Variants in RALGAPA2 observed in about 807,000 individuals in gnomAD.
The protein encoded by RALGAPA2 is Ral GTPase activating protein catalytic subunit alpha 2.
In RALGAPA2, 139 loss-of-function variants were observed where a neutral mutation model predicts 230.4. The observed-to-expected ratio is 0.60, with a 90% CI of 0.53 to 0.69. RALGAPA2 has a LOEUF of 0.69. Among genes scored for constraint, RALGAPA2 ranks in the 30% least tolerant of loss-of-function variants. The probability of loss-of-function intolerance (pLI) is 0.00; values close to 1 mark genes in which losing one functional copy is unlikely to be tolerated. For missense variants in RALGAPA2, 2,163 were observed against 2,276.0 expected (o/e 0.95, Z 1.01); for synonymous variants, 847 against 837.8 (o/e 1.01, Z -0.19).
intron 36 of RALGAPA2, among the ~76,000 whole-genome samples, chr20:20,476,248 GA>G (rs1338872041): frequency 1.3e-5 from 2 of 152,156 alleles, no homozygotes; most frequent in African/African-American, 4.8e-5. Context: ...ATAAGGAAAT[GA>G]AAAGACATAA....
At position 20,591,134 on chromosome 20, in the gene RALGAPA2, C is replaced by CCT. The variant is rs774288389; in HGVS notation, c.2341+42_2341+43insAG. ...CTATATGCAGCTTTTATTCCTCTGC[C>CCT]AGAATCTATAGTTCTGTATTAAACA... On this transcript the variant is annotated intron_variant, in intron 17 of 39. Coordinates refer to ENST00000202677, the MANE Select transcript of RALGAPA2 (RefSeq NM_020343.4). 37 of 1,591,146 alleles carry CCT rather than the reference C, an allele frequency of 2.3e-5. No homozygotes were observed. In the Admixed American group the frequency reaches 4.3e-4, roughly 18 times the overall value.
chr20:20,406,362 A>C (rs1459216623), intron 38 of RALGAPA2, among the ~76,000 whole-genome samples: 1 of 152,212 alleles, frequency 6.6e-6, no homozygotes, highest in African/African-American at 2.4e-5. Context: ...ATGTTGTACC[A>C]TCTTTCCAAG....
chr20:20,458,776 A>ATATATATATAGACCTATATATATAGACC (rs2061211299), intron 37 of RALGAPA2, among the ~76,000 whole-genome samples: 6 of 8,028 alleles, frequency 7.5e-4, no homozygotes, highest in East Asian at 2.4e-3. Context: ...ATATAGACCT[A>ATATATATATAGACCTATATATATAGACC]TATATATATA....
chr20:20,705,129 G>A (rs970894832), intron 1 of RALGAPA2, among the ~76,000 whole-genome samples: 3 of 152,200 alleles, frequency 2.0e-5, no homozygotes. Flanking sequence ...TCCTGGGCTT[G>A]TGCCTTATTA....
At chr20:20,553,252 G>C (rs1345905770) in intron 23 of RALGAPA2, among the ~76,000 whole-genome samples, 2 of 152,182 alleles carry the variant, frequency 1.3e-5, no homozygotes, top group Non-Finnish European at 2.9e-5. Flanking sequence ...TGCACCTGGA[G>C]AATCAAAATT....
intron 10 of RALGAPA2, 94 bp downstream of exon 10, chr20:20,629,269 G>C (rs2066590576): frequency 9.6e-7 from 1 of 1,036,594 alleles, no homozygotes; most frequent in Admixed American, 2.0e-5. Flanking sequence ...TTGTTGGCGT[G>C]TTACAAGTAA....
intron 23 of RALGAPA2, among the ~76,000 whole-genome samples, chr20:20,556,663 C>T (rs1266840515): frequency 3.3e-5 from 5 of 152,112 alleles, no homozygotes; most frequent in Non-Finnish European, 7.3e-5. Context: ...AAGTTGTTGC[C>T]AGTAAGTGAT....
At chr20:20,526,218 C>G in intron 28 of RALGAPA2, 34 bp downstream of exon 28, 1 of 1,390,476 alleles carries the variant, frequency 7.2e-7, no homozygotes, top group Non-Finnish European at 9.9e-7. Context: ...AAAGGAAATG[C>G]TTATGTTTTA....
At chr20:20,676,703 T>C (rs899784862) in intron 2 of RALGAPA2, among the ~76,000 whole-genome samples, 3 of 152,222 alleles carry the variant, frequency 2.0e-5, no homozygotes, top group African/African-American at 7.2e-5. Flanking sequence ...AACTGCACAC[T>C]GTCCTATTGA....
intron 14 of RALGAPA2, 94 bp from the exon 15 acceptor site, chr20:20,605,506 A>T (rs772782899): frequency 8.7e-6 from 8 of 921,032 alleles, no homozygotes; most frequent in Non-Finnish European, 1.1e-5. Context: ...TTAATAACAC[A>T]AATTTTAAAA....
At position 20,474,129 on chromosome 20, in the gene RALGAPA2, G is replaced by T. The variant is rs145985338; in HGVS notation, c.5368-1173C>A. ...TCTCCAGTTGGCTCTAATGGCCAGG[G>T]TGGGCTTTAAGAAGAGGATGACATT... On this transcript the variant is annotated intron_variant, in intron 36 of 39. Transcript: ENST00000202677. Among the ~76,000 whole-genome samples, 1,061 of 152,290 alleles carry T rather than the reference G, an allele frequency of 7.0e-3. 13 individuals are homozygous for T. The highest frequency in any genetic ancestry group is 0.025 in the African/African-American group (1,036 of 41,556).
chr20:20,543,555 A>G (rs954809086), intron 24 of RALGAPA2, among the ~76,000 whole-genome samples: 1 of 152,218 alleles, frequency 6.6e-6, no homozygotes, highest in Non-Finnish European at 1.5e-5. Context: ...CAGCCATAAA[A>G]AAGGATGAGT....
chr20:20,621,879 T>C (rs1374812166), intron 10 of RALGAPA2, among the ~76,000 whole-genome samples: 1 of 152,222 alleles, frequency 6.6e-6, no homozygotes. Context: ...CCAGAGGTAT[T>C]CTTCCAAGGT....
chr20:20,706,434 T>C (rs1266034423), intron 1 of RALGAPA2, among the ~76,000 whole-genome samples: 2 of 152,210 alleles, frequency 1.3e-5, no homozygotes, highest in African/African-American at 4.8e-5. Context: ...CCTGAAGAGT[T>C]TGAAATTACA....
chr20:20,422,318 G>C (rs548267029), intron 37 of RALGAPA2, among the ~76,000 whole-genome samples: 162 of 152,218 alleles, frequency 1.1e-3, no homozygotes, highest in African/African-American at 3.8e-3. Flanking sequence ...ATGCCCCCAG[G>C]CTGGGTGCAA....
chr20:20,522,291 T>C (rs2063068517), intron 30 of RALGAPA2, among the ~76,000 whole-genome samples: 1 of 151,150 alleles, frequency 6.6e-6, no homozygotes, highest in South Asian at 2.1e-4. Flanking sequence ...ATTTTATTGG[T>C]CCAAAACTCT....
intron 34 of RALGAPA2, chr20:20,505,167 T>C: frequency 1.0e-6 from 1 of 985,250 alleles, no homozygotes; most frequent in Non-Finnish European, 1.2e-6. Flanking sequence ...CATCTGACTA[T>C]TCAGTTCTGA....
At chr20:20,429,510 G>A (rs1342066987) in intron 37 of RALGAPA2, among the ~76,000 whole-genome samples, 1 of 152,098 alleles carries the variant, frequency 6.6e-6, no homozygotes, top group Non-Finnish European at 1.5e-5. Context: ...ACAATTTAGA[G>A]GAATAAACTA....
intron 1 of RALGAPA2, among the ~76,000 whole-genome samples, chr20:20,706,757 T>C (rs962038609): frequency 6.6e-6 from 1 of 152,202 alleles, no homozygotes; most frequent in African/African-American, 2.4e-5. Context: ...TTCTGATATG[T>C]AAATTTCCTT....
Sources: gnomAD v4.1 joint callset for allele counts (sites outside exome capture counted in the v4.1 genomes callset) on GRCh38, gnomAD v4.1.1 for gene constraint, MANE v1.5 for transcripts, NCBI Gene and HGNC (gene_info 2026-07-23, HGNC 2026-07-21) for gene names.